WNT5B: variants seen among roughly 807,000 people sequenced by gnomAD.
WNT5B encodes the protein Wnt family member 5B.
A neutral mutation model predicts 36.5 loss-of-function variants in WNT5B; 18 were observed. The observed-to-expected ratio is 0.49, with a 90% CI of 0.34 to 0.73. WNT5B has a LOEUF of 0.73. Ranked by LOEUF, WNT5B falls within the 30% of genes least tolerant of loss-of-function variation. WNT5B has a pLI of 0.01. For missense variants in WNT5B, 424 were observed against 508.4 expected (o/e 0.83, Z 1.60); for synonymous variants, 213 against 212.3 (o/e 1.00, Z -0.03).
At chr12:1,639,609 G>C in intron 3 of WNT5B, 75 bp from the exon 4 acceptor site, 5 of 1,419,026 alleles carry the variant, frequency 3.5e-6, no homozygotes, top group Admixed American at 6.0e-5. Flanking sequence ...CGGGTCCGTC[G>C]GGGGAGACGG....
Position 1,630,088 on chromosome 12 carries a change from C to T in WNT5B, c.-58+717C>T. On this transcript the variant is annotated intron_variant, in intron 1 of 4. Transcript: ENST00000397196. The surrounding 1 kb of genome is among the most constrained non-coding windows in gnomAD (Gnocchi z 5.3). ...CCTGGACCCTGCTCGGGCCACTGTC[C>T]TCTCCTGGCGGCCCCAGGACAAAAA... 2 of 974,810 alleles carry T rather than the reference C, an allele frequency of 2.1e-6. No homozygotes were observed. The highest frequency in any genetic ancestry group is 2.4e-6 in the Non-Finnish European group (2 of 820,150). 60.4% of individuals were successfully genotyped at this position (974,810 alleles called of 1,614,324 possible).
At chr12:1,641,705 G>A (rs928181512) in intron 4 of WNT5B, among the ~76,000 whole-genome samples, 7 of 151,722 alleles carry the variant, frequency 4.6e-5, no homozygotes, top group African/African-American at 1.5e-4. Context: ...TTGGGAGGCC[G>A]AGGCAGGAGA....
Position 1,639,695 on chromosome 12 carries a change from A to T in WNT5B, c.340A>T (p.Thr114Ser). Reference sequence around the variant, plus strand: ...GCCTCATTCTGCAGGCAGCCGAGAGACCGCCTTCACCCACGCGGTGAGCGC... The same window carrying T: ...GCCTCATTCTGCAGGCAGCCGAGAGTCCGCCTTCACCCACGCGGTGAGCGC... ...GRVMQIGSRETAFTHAVSAAG... is the reference protein window; with the variant it reads ...GRVMQIGSRESAFTHAVSAAG... The change falls in exon 4 of 5, where the codon ACC (threonine) becomes TCC (serine). Residue 114 changes from threonine (T) to serine (S), a missense_variant. By Grantham distance (58) the Thr-to-Ser change is moderately conservative (BLOSUM62 1). Coordinates refer to ENST00000397196, the MANE Select transcript of WNT5B (RefSeq NM_032642.3). 1.3e-6 allele frequency: 2 copies of T among 1,564,828 alleles called. No homozygotes were observed. The highest frequency in any genetic ancestry group is 1.7e-6 in the Non-Finnish European group (2 of 1,161,750).
chr12:1,626,731 A>AT (rs558101083), upstream of WNT5B, among the ~76,000 whole-genome samples: 124 of 151,560 alleles, frequency 8.2e-4, no homozygotes, highest in South Asian at 2.1e-3. Context: ...CACTGGGCTA[A>AT]TTTTTTTGTA....
intron 3 of WNT5B, among the ~76,000 whole-genome samples, chr12:1,637,072 A>T (rs1592530955): frequency 6.6e-6 from 1 of 151,972 alleles, no homozygotes; most frequent in Non-Finnish European, 1.5e-5. Context: ...AGCTGTTCTG[A>T]AACTCCTGGC....
upstream of WNT5B, among the ~76,000 whole-genome samples, chr12:1,626,947 C>G (rs962801518): frequency 1.3e-5 from 2 of 152,168 alleles, no homozygotes; most frequent in Non-Finnish European, 2.9e-5. Context: ...TTTCAGTCAA[C>G]AAATATTTTT....
chr12:1,637,594 A>AC (rs2094564425), intron 3 of WNT5B, among the ~76,000 whole-genome samples: 1 of 151,254 alleles, frequency 6.6e-6, no homozygotes, highest in African/African-American at 2.4e-5. Flanking sequence ...AAAAAAAAAA[A>AC]AAAAAACTAG....
At position 1,618,852 on chromosome 12, in the gene WNT5B, A is replaced by G. The variant is rs2094530172; in HGVS notation, c.-58+1709A>G. On this transcript the variant is annotated intron_variant, in intron 1 of 4. Transcript: ENST00000310594. The surrounding 1 kb of genome is among the most constrained non-coding windows in gnomAD (Gnocchi z 4.1). Reference sequence around the variant, plus strand: ...CAGTGCATGAGTTGGTCACTTTCACACTGCTCCAGGCACCAGGAGTTGGAA... The same window carrying G: ...CAGTGCATGAGTTGGTCACTTTCACGCTGCTCCAGGCACCAGGAGTTGGAA... 6.6e-6 allele frequency among the ~76,000 whole-genome samples: 1 copy of G among 152,140 alleles called. No homozygotes were observed. Among genetic ancestry groups the G allele is most frequent in the Admixed American group, 6.5e-5 (1 of 15,282 alleles).
In WNT5B at chr12:1,618,555, C is replaced by T. The variant is rs1162049587; in HGVS notation, c.-58+1412C>T. Among the ~76,000 whole-genome samples, 1 of 152,204 alleles carries T rather than the reference C, an allele frequency of 6.6e-6. No individual in the cohort carries two copies. Among genetic ancestry groups the T allele is most frequent in the Non-Finnish European group, 1.5e-5 (1 of 68,044 alleles). On this transcript the variant is annotated intron_variant, in intron 1 of 4. Coordinates refer to the WNT5B transcript ENST00000310594. This position sits in a 1 kb window ranked among gnomAD's most constrained non-coding sequence, Gnocchi z 4.1. ...TAGCCTTGTTCTCTTGAAACAATTC[C>T]TAAACCACACTGACCTGTGACCTAT...
chr12:1,618,056 C>T lies in WNT5B; in HGVS notation c.-58+913C>T, dbSNP rs571885121. ...ACTCAGGAGGCTGAGGTGGGAGGATCGCTTGAGCCCAGGAGTTCGAGGCTG... is the reference window on the plus strand; with the variant it reads ...ACTCAGGAGGCTGAGGTGGGAGGATTGCTTGAGCCCAGGAGTTCGAGGCTG... On this transcript the variant is annotated intron_variant, in intron 1 of 4. Transcript: ENST00000310594. The surrounding 1 kb of genome is among the most constrained non-coding windows in gnomAD (Gnocchi z 4.1). 2.0e-5 allele frequency among the ~76,000 whole-genome samples: 3 copies of T among 152,006 alleles called. No homozygotes were observed. The highest frequency in any genetic ancestry group is 2.9e-5 in the Non-Finnish European group (2 of 67,956).
In WNT5B at chr12:1,618,243, C is replaced by CAGT. The variant is rs1476132088; in HGVS notation, c.-58+1105_-58+1107dup. Among the ~76,000 whole-genome samples the CAGT allele has an allele frequency of 1.3e-5, 2 of 152,192 alleles. No individual in the cohort carries two copies. The highest frequency in any genetic ancestry group is 2.9e-5 in the Non-Finnish European group (2 of 68,032). On this transcript the variant is annotated intron_variant, in intron 1 of 4. Coordinates refer to the WNT5B transcript ENST00000310594. This position sits in a 1 kb window ranked among gnomAD's most constrained non-coding sequence, Gnocchi z 4.1. ...AAAAATACGCTCCATTTTGCAAACACAGTAGTACCTCTACTTGGTAGCACA... is the reference window on the plus strand; with the variant it reads ...AAAAATACGCTCCATTTTGCAAACACAGTAGTAGTACCTCTACTTGGTAGCACA...
At chr12:1,619,543 A>C (rs971446731) in intron 1 of WNT5B, among the ~76,000 whole-genome samples, 4 of 152,230 alleles carry the variant, frequency 2.6e-5, no homozygotes, top group Non-Finnish European at 5.9e-5. Context: ...TATTGGATTC[A>C]TCTTTGGTTA....
Position 1,646,231 on chromosome 12 carries a change from G to A in WNT5B, c.1059G>A (p.Val353=). The change falls in exon 5 of 5, where the codon GTG becomes GTA. Residue 353 remains valine, a synonymous_variant. Transcript: ENST00000397196. ...FVRCKKCTEI[V]DQYICK ...GGTGTAAGAAGTGCACGGAGATCGT[G>A]GACCAGTACATCTGTAAATAGCCCG... The A allele has an allele frequency of 6.2e-7, 1 of 1,612,756 alleles. No individual in the cohort carries two copies. Among genetic ancestry groups the A allele is most frequent in the Non-Finnish European group, 8.5e-7 (1 of 1,179,442 alleles).
At chr12:1,639,605 C>CGTCGGGGGAGA (rs1478894886) in intron 3 of WNT5B, 79 bp from the exon 4 acceptor site, 17 of 1,414,528 alleles carry the variant, frequency 1.2e-5, no homozygotes, top group African/African-American at 1.5e-5. Flanking sequence ...CGTGCGGGTC[C>CGTCGGGGGAGA]GTCGGGGGAG....
At chr12:1,627,545 T>G (rs1286612642), upstream of WNT5B, among the ~76,000 whole-genome samples, 1 of 152,190 alleles carries the variant, frequency 6.6e-6, no homozygotes, top group Non-Finnish European at 1.5e-5. The surrounding 1 kb of genome is among the most constrained non-coding windows in gnomAD (Gnocchi z 5.0). Context: ...TTTGGTCTCT[T>G]AACTCTAGGC....
chr12:1,634,940 G>A lies in WNT5B; in HGVS notation c.328+2035G>A, dbSNP rs540624564. On this transcript the variant is annotated intron_variant, in intron 3 of 4. Transcript: ENST00000397196. ...GACGCATGTCCCTCTAGTAGCTCAC[G>A]GCTGCTTTTTTTTAGCCGTTTATTC... Among the ~76,000 whole-genome samples the A allele has an allele frequency of 9.8e-5, 15 of 152,310 alleles. No homozygotes were observed. The South Asian group carries it at 1.2e-3, about 13-fold the overall frequency.
intron 3 of WNT5B, among the ~76,000 whole-genome samples, chr12:1,636,497 CTATATATATATATATATA>C (rs56095993): frequency 0.073 from 5,892 of 81,154 alleles, 329 homozygotes; most frequent in Middle Eastern, 0.13. Context: ...GTGTTGCAGT[CTATATATATATATATATA>C]TATATATATA....
chr12:1,630,273 C>G lies in WNT5B; in HGVS notation c.-58+902C>G. On this transcript the variant is annotated intron_variant, in intron 1 of 4. Transcript: ENST00000397196. The surrounding 1 kb of genome is among the most constrained non-coding windows in gnomAD (Gnocchi z 5.3). Reference sequence around the variant, plus strand: ...GCTGGGGGCGCGGGTCACGCCCAGACGGGGGCCCCGGAGGACCGCGGGGGA... The same window carrying G: ...GCTGGGGGCGCGGGTCACGCCCAGAGGGGGGCCCCGGAGGACCGCGGGGGA... The G allele has an allele frequency of 1.0e-6, 1 of 979,238 alleles. No homozygotes were observed. Among genetic ancestry groups the G allele is most frequent in the Non-Finnish European group, 1.2e-6 (1 of 824,300 alleles). The allele number at this position is 979,238 out of a possible 1,614,324, so 60.7% of individuals were successfully genotyped here.
chr12:1,640,032 G>C, intron 4 of WNT5B, 56 bp downstream of exon 4: 1 of 1,546,246 alleles, frequency 6.5e-7, no homozygotes, highest in Non-Finnish European at 8.7e-7. Context: ...GCTGTTCCCG[G>C]GCTGTGCCAC....
Sources: gnomAD v4.1 joint callset for allele counts (sites outside exome capture counted in the v4.1 genomes callset) on GRCh38, gnomAD v4.1.1 for gene constraint, Gnocchi (gnomAD v3.1) non-coding constraint, MANE v1.5 for transcripts, NCBI Gene and HGNC (gene_info 2026-07-23, HGNC 2026-07-21) for gene names.